GPR137B: variants seen among roughly 807,000 people sequenced by gnomAD.
The protein encoded by GPR137B is G protein-coupled receptor 137B.
A neutral mutation model predicts 42.5 loss-of-function variants in GPR137B; 42 were observed. That is an observed-to-expected ratio of 0.99 (90% confidence interval 0.77 to 1.28). The LOEUF is 1.28. Among genes scored for constraint, GPR137B ranks in the 50% most tolerant of loss-of-function variants. GPR137B has a pLI of 0.00. For synonymous variants in GPR137B, 218 were observed against 209.7 expected (o/e 1.04, Z -0.34); for missense variants, 487 against 493.9 (o/e 0.99, Z 0.13).
chr1:236,153,244 A>T (rs1376984862), intron 1 of GPR137B, among the ~76,000 whole-genome samples: 1 of 152,064 alleles, frequency 6.6e-6, no homozygotes, highest in Non-Finnish European at 1.5e-5. Flanking sequence ...ATCACCCCCA[A>T]AGGAAACTTT....
At chr1:236,172,815 G>C (rs1240005612) in intron 2 of GPR137B, among the ~76,000 whole-genome samples, 3 of 151,316 alleles carry the variant, frequency 2.0e-5, no homozygotes, top group African/African-American at 7.3e-5. Flanking sequence ...TTCCTGAGTA[G>C]CTGGGAATAC....
intron 1 of GPR137B, among the ~76,000 whole-genome samples, chr1:236,157,299 A>G (rs1037362348): frequency 2.7e-5 from 4 of 148,644 alleles, no homozygotes; most frequent in African/African-American, 5.0e-5. Context: ...ATCTCTGCTC[A>G]CTGCAAGCTC....
chr1:236,193,186 T>C (rs1046443265), intron 5 of GPR137B, among the ~76,000 whole-genome samples: 2 of 152,132 alleles, frequency 1.3e-5, no homozygotes, highest in African/African-American at 2.4e-5. Flanking sequence ...TGAGCCACTG[T>C]GCCTGGACTA....
At chr1:236,203,827 A>C (rs1457743569) in intron 5 of GPR137B, among the ~76,000 whole-genome samples, 1 of 152,140 alleles carries the variant, frequency 6.6e-6, no homozygotes, top group Non-Finnish European at 1.5e-5. Flanking sequence ...TAGAAATGCT[A>C]CTGATTTTTT....
intron 1 of GPR137B, among the ~76,000 whole-genome samples, chr1:236,164,058 C>T (rs915756381): frequency 6.6e-6 from 1 of 151,848 alleles, no homozygotes; most frequent in East Asian, 1.9e-4. Flanking sequence ...CCTCTCCACA[C>T]CTCCCCATGC....
intron 5 of GPR137B, among the ~76,000 whole-genome samples, chr1:236,196,172 C>T (rs918852820): frequency 6.6e-6 from 1 of 152,090 alleles, no homozygotes; most frequent in Non-Finnish European, 1.5e-5. Context: ...TGGAGTCTTG[C>T]TCTGTTGCCC....
At chr1:236,182,490 G>A (rs1258404669) in intron 4 of GPR137B, among the ~76,000 whole-genome samples, 1 of 152,078 alleles carries the variant, frequency 6.6e-6, no homozygotes, top group Non-Finnish European at 1.5e-5. Flanking sequence ...GCAGTGGCCT[G>A]TAATCCCAGC....
At chr1:236,172,636 T>C (rs1275855799) in intron 2 of GPR137B, among the ~76,000 whole-genome samples, 1 of 152,084 alleles carries the variant, frequency 6.6e-6, no homozygotes, top group African/African-American at 2.4e-5. Flanking sequence ...GTTTGCCCTC[T>C]AGCTTTGTGA....
chr1:236,186,079 G>A (rs900553730), intron 5 of GPR137B, among the ~76,000 whole-genome samples: 8 of 149,644 alleles, frequency 5.3e-5, no homozygotes, highest in African/African-American at 7.4e-5. Context: ...TTCAAGATTC[G>A]TCTACGTTGT....
In GPR137B at chr1:236,208,513, C is replaced by T. The variant is rs1663734109; in HGVS notation, c.*355C>T. 1 of 943,410 alleles carries T rather than the reference C, an allele frequency of 1.1e-6. No homozygotes were observed. The allele number at this position is 943,410 out of a possible 1,614,324, so 58.4% of individuals were successfully genotyped here. On this transcript the variant is annotated 3_prime_UTR_variant, in exon 7 of 7. Transcript: ENST00000366592. ...GTTGTAGTTTGCACAGACTTTTATG[C>T]ATAATTCACTTTAAAAATATAGAAT...
At chr1:236,152,113 A>G (rs75335734) in intron 1 of GPR137B, among the ~76,000 whole-genome samples, 2,050 of 152,110 alleles carry the variant, frequency 0.013, 43 homozygotes, top group African/African-American at 0.047. Flanking sequence ...ATAAAGTTCA[A>G]CTGGAACATG....
chr1:236,149,765 C>A (rs1661790795), intron 1 of GPR137B, among the ~76,000 whole-genome samples: 1 of 152,282 alleles, frequency 6.6e-6, no homozygotes, highest in African/African-American at 2.4e-5. Context: ...GCGCCCATGG[C>A]CTCAGCCCCT....
intron 1 of GPR137B, among the ~76,000 whole-genome samples, chr1:236,144,171 TGTGGAG>T (rs1469995702): frequency 1.3e-5 from 2 of 152,034 alleles, no homozygotes; most frequent in African/African-American, 2.4e-5. Flanking sequence ...ATCCCAGCAT[TGTGGAG>T]GCGGAGGCGG....
At chr1:236,188,477 T>A (rs1663096761) in intron 5 of GPR137B, among the ~76,000 whole-genome samples, 1 of 152,210 alleles carries the variant, frequency 6.6e-6, no homozygotes, top group Admixed American at 6.5e-5. Context: ...ATAGCTATTA[T>A]TTTGAGATAC....
chr1:236,199,562 G>C (rs979278918), intron 5 of GPR137B, among the ~76,000 whole-genome samples: 1 of 151,906 alleles, frequency 6.6e-6, no homozygotes, highest in Non-Finnish European at 1.5e-5. Flanking sequence ...TTGCTGTTTC[G>C]ATCTCGCTAG....
rs757492568 is a variant in GPR137B at position 236,142,754 on chromosome 1, C to T, written c.132C>T (p.Gly44=). 4.3e-6 allele frequency: 7 copies of T among 1,610,166 alleles called. No homozygotes were observed. The South Asian group carries it at 6.6e-5, about 15-fold the overall frequency. The change falls in exon 1 of 7, where the codon GGC becomes GGT. Residue 44 remains glycine (G), a synonymous_variant. Coordinates refer to ENST00000366592, the MANE Select transcript of GPR137B (RefSeq NM_003272.4). The stretch of plus-strand genomic sequence containing the variant: ...CCGTGCCCCCCTACGTGAAGCTTGG[C>T]CTCACCGTCGTCTACACCGTGTTCT... ...TPAVPPYVKL[G]LTVVYTVFYA... is the part of the protein sequence containing the mutation.
At chr1:236,194,244 A>G (rs1292348664) in intron 5 of GPR137B, among the ~76,000 whole-genome samples, 2 of 152,148 alleles carry the variant, frequency 1.3e-5, no homozygotes, top group Non-Finnish European at 2.9e-5. Context: ...TTTGAGAAGC[A>G]TCTGTATTTG....
At chr1:236,164,154 G>A (rs1662278978) in intron 1 of GPR137B, among the ~76,000 whole-genome samples, 1 of 152,072 alleles carries the variant, frequency 6.6e-6, no homozygotes, top group African/African-American at 2.4e-5. Context: ...TATTTCTCTG[G>A]GACAGGCCCA....
chr1:236,207,866 G>T (rs114076753), intron 6 of GPR137B, among the ~76,000 whole-genome samples, 184 bp from the exon 7 acceptor site: 1 of 152,010 alleles, frequency 6.6e-6, no homozygotes, highest in Non-Finnish European at 1.5e-5. Flanking sequence ...TAGAGTTGTC[G>T]GTGGGCATTT....
Sources: allele counts gnomAD v4.1 joint callset (sites outside exome capture counted in the v4.1 genomes callset), GRCh38; gene constraint gnomAD v4.1.1; transcripts MANE v1.5; gene names NCBI Gene and HGNC (gene_info 2026-07-23, HGNC 2026-07-21).